Variants in PTPRD observed in about 807,000 individuals in gnomAD.
PTPRD encodes the protein protein tyrosine phosphatase receptor type D.
In PTPRD, 34 loss-of-function variants were observed where a neutral mutation model predicts 214.5. That is an observed-to-expected ratio of 0.16 (90% CI 0.12 to 0.21). The LOEUF (loss-of-function observed/expected upper bound fraction) is 0.21. Among genes scored for constraint, PTPRD ranks in the 10% least tolerant of loss-of-function variants. PTPRD has a pLI of 1.00. For missense variants in PTPRD, 2,545 were observed against 2,398.7 expected, an observed-to-expected ratio of 1.06 and a Z score of -1.27; for synonymous variants, 1,128 against 845.7, an observed-to-expected ratio of 1.33 and a Z score of -5.79.
intron 5 of PTPRD, among the ~76,000 whole-genome samples, chr9:9,910,447 C>CT (rs1156433572): frequency 2.0e-5 from 3 of 151,948 alleles, no homozygotes; most frequent in Admixed American, 2.0e-4. Flanking sequence ...AGAAAATATA[C>CT]TGAGCTGAAA....
At chr9:8,359,979 A>T (rs1214993093) in intron 39 of PTPRD, among the ~76,000 whole-genome samples, 1 of 152,166 alleles carries the variant, frequency 6.6e-6, no homozygotes, top group Non-Finnish European at 1.5e-5. Context: ...AGGTCAGCTC[A>T]ATGTTTGTTA....
chr9:9,537,965 G>A (rs828825), intron 8 of PTPRD, among the ~76,000 whole-genome samples: 149,567 of 151,906 alleles, frequency 0.98, 73,677 homozygotes, highest in Middle Eastern at 1. Context: ...CATTCGTTCT[G>A]TGTTACTATG....
In PTPRD at chr9:10,350,938, A is replaced by G. The variant is rs370997371; in HGVS notation, c.-599-9921T>C. On this transcript the variant is annotated intron_variant, in intron 2 of 45. Transcript: ENST00000381196. ...TAGAGTCATAAAATGGTGATGATAT[A>G]AAAAAGAAAGTACAGTGAGCTATGA... Among the ~76,000 whole-genome samples, 73 of 152,232 alleles carry G rather than the reference A, an allele frequency of 4.8e-4. No individual in the cohort carries two copies. In the South Asian group the frequency reaches 0.014, roughly 30 times the overall value.
At chr9:9,339,352 G>T (rs897526778) in intron 9 of PTPRD, among the ~76,000 whole-genome samples, 14 of 151,578 alleles carry the variant, frequency 9.2e-5, no homozygotes, top group African/African-American at 3.1e-4. Flanking sequence ...CAGGCATGGT[G>T]GTGGGTGCCT....
At chr9:10,287,256 T>TA (rs1169314864) in intron 3 of PTPRD, among the ~76,000 whole-genome samples, 1 of 152,162 alleles carries the variant, frequency 6.6e-6, no homozygotes, top group Non-Finnish European at 1.5e-5. Context: ...TACTTTTAGA[T>TA]AAAGATTTCT....
chr9:10,308,212 C>T (rs1390608775), intron 3 of PTPRD, among the ~76,000 whole-genome samples: 1 of 151,914 alleles, frequency 6.6e-6, no homozygotes, highest in African/African-American at 2.4e-5. Context: ...GCATTTAAGA[C>T]CTTAATCTAT....
At chr9:8,815,748 T>C (rs1363284348) in intron 11 of PTPRD, among the ~76,000 whole-genome samples, 3 of 152,164 alleles carry the variant, frequency 2.0e-5, no homozygotes, top group Non-Finnish European at 4.4e-5. Context: ...TACAATTCTT[T>C]AGTTAAAGTC....
intron 10 of PTPRD, among the ~76,000 whole-genome samples, chr9:9,034,043 T>G (rs2099613963): frequency 6.6e-6 from 1 of 152,096 alleles, no homozygotes; most frequent in African/African-American, 2.4e-5. Flanking sequence ...GAAATAAACT[T>G]GAAAGGCTTA....
intron 34 of PTPRD, among the ~76,000 whole-genome samples, chr9:8,443,567 C>G (rs1179745664): frequency 6.6e-6 from 1 of 152,168 alleles, no homozygotes; most frequent in Admixed American, 6.5e-5. Context: ...TTAAGGTCAT[C>G]CACTGAATGA....
chr9:10,246,281 T>A (rs1437611488), intron 3 of PTPRD, among the ~76,000 whole-genome samples: 1 of 152,208 alleles, frequency 6.6e-6, no homozygotes, highest in African/African-American at 2.4e-5. Flanking sequence ...TTCGCTCTTG[T>A]TGCCCCGGCT....
chr9:9,357,500 G>A (rs1187291305), intron 9 of PTPRD, among the ~76,000 whole-genome samples: 1 of 151,166 alleles, frequency 6.6e-6, no homozygotes, highest in African/African-American at 2.4e-5. Flanking sequence ...TAGTCACTAT[G>A]CCTGGGAAAT....
chr9:10,050,358 G>C (rs1418701046), intron 3 of PTPRD, among the ~76,000 whole-genome samples: 1 of 151,612 alleles, frequency 6.6e-6, no homozygotes, highest in Admixed American at 6.6e-5. Flanking sequence ...AGGAGTTGGA[G>C]ACCAGCCTGG....
intron 5 of PTPRD, among the ~76,000 whole-genome samples, chr9:9,811,523 C>T (rs751257387): frequency 4.1e-4 from 62 of 151,930 alleles, no homozygotes; most frequent in Non-Finnish European, 1.5e-4. Flanking sequence ...CTGGCTGACA[C>T]GGTGAAGCCC....
chr9:10,092,164 C>G (rs1182328817), intron 3 of PTPRD, among the ~76,000 whole-genome samples: 1 of 151,504 alleles, frequency 6.6e-6, no homozygotes, highest in African/African-American at 2.4e-5. Flanking sequence ...ACCAAACCAC[C>G]TATGCCTCAT....
chr9:9,931,454 A>T (rs1323034263), intron 5 of PTPRD, among the ~76,000 whole-genome samples: 1 of 152,190 alleles, frequency 6.6e-6, no homozygotes. Context: ...CTAGTCAAAG[A>T]AAGGGGTGAC....
At chr9:9,740,531 T>G (rs980859252) in intron 6 of PTPRD, among the ~76,000 whole-genome samples, 1 of 151,882 alleles carries the variant, frequency 6.6e-6, no homozygotes, top group Admixed American at 6.6e-5. Flanking sequence ...CTAATTTTTT[T>G]TGTGTATTTT....
intron 27 of PTPRD, among the ~76,000 whole-genome samples, chr9:8,490,446 A>G (rs1301664478): frequency 2.0e-5 from 3 of 152,216 alleles, no homozygotes; most frequent in African/African-American, 7.2e-5. Context: ...CGCAACAACA[A>G]TCACAATTGA....
At position 9,572,688 on chromosome 9, in the gene PTPRD, T is replaced by C. The variant is rs1266751247; in HGVS notation, c.-237+2044A>G. On this transcript the variant is annotated intron_variant, in intron 8 of 45. Coordinates refer to ENST00000381196, the MANE Select transcript of PTPRD (RefSeq NM_002839.4). ...TATATTATGTATGTATAAACATATG[T>C]ATGTATAAACATAACCTAATAATAA... is the stretch of plus-strand genomic sequence containing the variant. 2.0e-5 allele frequency among the ~76,000 whole-genome samples: 3 copies of C among 150,060 alleles called. No individual in the cohort carries two copies. In the East Asian group the frequency reaches 5.8e-4, roughly 29 times the overall value.
intron 37 of PTPRD, among the ~76,000 whole-genome samples, chr9:8,377,927 T>G (rs2083750809): frequency 6.6e-6 from 1 of 152,070 alleles, no homozygotes; most frequent in African/African-American, 2.4e-5. Flanking sequence ...TTCAGGCTCT[T>G]TCCATGAAAC....
Sources: allele counts gnomAD v4.1 joint callset (sites outside exome capture counted in the v4.1 genomes callset), GRCh38; gene constraint gnomAD v4.1.1; transcripts MANE v1.5; gene names NCBI Gene and HGNC (gene_info 2026-07-23, HGNC 2026-07-21).